KCNH1: variants seen among roughly 807,000 people sequenced by gnomAD.
KCNH1 encodes voltage-gated delayed rectifier potassium channel KCNH1.
Under a neutral mutation model 69.2 loss-of-function variants are expected in KCNH1, and 27 were observed. The observed-to-expected ratio is 0.39, with a 90% CI of 0.29 to 0.54. The LOEUF (loss-of-function observed/expected upper bound fraction) is 0.54, where lower values mean the gene tolerates loss of function less well. KCNH1 is among the 20% of genes least tolerant of loss of function. KCNH1 has a pLI of 0.68. For missense variants in KCNH1, 798 were observed against 1,261.6 expected (o/e 0.63, Z 5.57); for synonymous variants, 456 against 487.7 (o/e 0.93, Z 0.86).
At chr1:210,792,596 GTAGAACCAGGAC>G (rs1387384806) in intron 9 of KCNH1, among the ~76,000 whole-genome samples, 1 of 151,918 alleles carries the variant, frequency 6.6e-6, no homozygotes, top group East Asian at 1.9e-4. Context: ...GGAGTTAAGA[GTAGAACCAGGAC>G]TAGAGTTAAA....
intron 6 of KCNH1, among the ~76,000 whole-genome samples, chr1:211,000,266 A>G (rs1395663535): frequency 1.3e-5 from 2 of 152,122 alleles, no homozygotes; most frequent in Non-Finnish European, 2.9e-5. Context: ...GAAAAACCCC[A>G]TCATCTCAGC....
At chr1:210,780,467 G>A (rs1317374716) in intron 9 of KCNH1, among the ~76,000 whole-genome samples, 1 of 152,088 alleles carries the variant, frequency 6.6e-6, no homozygotes, top group Non-Finnish European at 1.5e-5. Context: ...CTTTTGCCAG[G>A]CACTGTTCTA....
At chr1:210,869,446 T>A (rs2102492561) in intron 7 of KCNH1, among the ~76,000 whole-genome samples, 1 of 152,014 alleles carries the variant, frequency 6.6e-6, no homozygotes, top group East Asian at 1.9e-4. Context: ...TCATTTTAGG[T>A]CTATTTCTGT....
At position 210,919,157 on chromosome 1, in the gene KCNH1, G is replaced by C. The variant is rs1179221364; in HGVS notation, c.1462+483C>G. 1 of 154,234 alleles carries C rather than the reference G, an allele frequency of 6.5e-6. No individual in the cohort carries two copies. The highest frequency in any genetic ancestry group is 1.4e-5 in the Non-Finnish European group (1 of 69,344). The allele number at this position is 154,234 out of a possible 1,614,324, so 9.6% of individuals were successfully genotyped here. The stretch of plus-strand genomic sequence containing the variant: ...TGTAAAGGAATGGATATGTTAATTT[G>C]CTTTGCTGTCATAATCATTTCACTA... On this transcript the variant is annotated intron_variant, in intron 7 of 10. Transcript: ENST00000271751. The surrounding 1 kb of genome is among the most constrained non-coding windows in gnomAD (Gnocchi z 4.2).
At chr1:210,875,907 T>C (rs1686364955) in intron 7 of KCNH1, among the ~76,000 whole-genome samples, 1 of 151,902 alleles carries the variant, frequency 6.6e-6, no homozygotes, top group African/African-American at 2.4e-5. Context: ...ACAAACAATG[T>C]AAAACATCTA....
At chr1:210,905,288 G>C (rs1187782768) in intron 7 of KCNH1, among the ~76,000 whole-genome samples, 3 of 152,168 alleles carry the variant, frequency 2.0e-5, no homozygotes, top group Admixed American at 6.5e-5. Flanking sequence ...AGGGTTATCA[G>C]GATTAAATTA....
At position 211,031,874 on chromosome 1, in the gene KCNH1, C is replaced by T. The variant is rs1036536659; in HGVS notation, c.559-12618G>A. Among the ~76,000 whole-genome samples, 91 of 152,230 alleles carry T rather than the reference C, an allele frequency of 6.0e-4. 1 individual carries two copies. Among genetic ancestry groups the T allele is most frequent in the Non-Finnish European group, 3.5e-4 (24 of 68,008 alleles). ...GCAAGACAGGGATGCCCTCTCTCACCACTCCTATTCAACATAGTGTTGGAA... is the reference window on the plus strand; with the variant it reads ...GCAAGACAGGGATGCCCTCTCTCACTACTCCTATTCAACATAGTGTTGGAA... On this transcript the variant is annotated intron_variant, in intron 5 of 10. Coordinates refer to ENST00000271751, the MANE Select transcript of KCNH1 (RefSeq NM_172362.3).
At chr1:210,833,187 G>A (rs1391556141) in intron 7 of KCNH1, among the ~76,000 whole-genome samples, 6 of 152,006 alleles carry the variant, frequency 3.9e-5, no homozygotes, top group African/African-American at 9.7e-5. Context: ...TACTAAATAT[G>A]ATATATTTAT....
chr1:210,832,722 C>T (rs901335349), intron 7 of KCNH1, among the ~76,000 whole-genome samples: 1 of 151,920 alleles, frequency 6.6e-6, no homozygotes, highest in African/African-American at 2.4e-5. Context: ...ATTCTTTATA[C>T]TTGACAGAGC....
chr1:211,004,457 C>T (rs1379216505), intron 6 of KCNH1, among the ~76,000 whole-genome samples: 6 of 151,938 alleles, frequency 3.9e-5, no homozygotes, highest in Admixed American at 2.6e-4. Context: ...GGAAGGGGTA[C>T]AAGTACTAAT....
intron 10 of KCNH1, among the ~76,000 whole-genome samples, chr1:210,758,665 A>G (rs1209052353): frequency 6.6e-6 from 1 of 152,208 alleles, no homozygotes; most frequent in African/African-American, 2.4e-5. Flanking sequence ...GCACCACCAA[A>G]GCCTGGAAAT....
chr1:210,865,785 C>G (rs145294453), intron 7 of KCNH1, among the ~76,000 whole-genome samples: 5 of 152,108 alleles, frequency 3.3e-5, no homozygotes, highest in African/African-American at 1.2e-4. Context: ...TAAGGCCTCT[C>G]TCTTACTTTT....
intron 3 of KCNH1, among the ~76,000 whole-genome samples, chr1:211,098,876 G>A (rs1241926439): frequency 6.6e-6 from 1 of 152,170 alleles, no homozygotes; most frequent in Non-Finnish European, 1.5e-5. Flanking sequence ...TAATGAGTTA[G>A]ACACTCACAT....
chr1:211,034,436 G>C (rs189709008), intron 5 of KCNH1, among the ~76,000 whole-genome samples: 55 of 149,450 alleles, frequency 3.7e-4, no homozygotes, highest in Middle Eastern at 3.5e-3. Context: ...AGGAAGGAAG[G>C]GGGTGGGGGG....
intron 10 of KCNH1, among the ~76,000 whole-genome samples, chr1:210,759,151 T>C (rs1262070261): frequency 1.8e-5 from 1 of 56,676 alleles, no homozygotes; most frequent in Non-Finnish European, 3.2e-5. Context: ...CCTATCCAAA[T>C]GATAGACACA....
chr1:211,062,878 C>T (rs1690454876), intron 5 of KCNH1, among the ~76,000 whole-genome samples: 1 of 152,168 alleles, frequency 6.6e-6, no homozygotes, highest in African/African-American at 2.4e-5. Context: ...TTAGTACAAC[C>T]TCTGTGGAGA....
chr1:210,880,120 T>C (rs1305066365), intron 7 of KCNH1, among the ~76,000 whole-genome samples: 1 of 152,176 alleles, frequency 6.6e-6, no homozygotes, highest in Non-Finnish European at 1.5e-5. Flanking sequence ...CAGTCCATGT[T>C]CATGGTTAGG....
chr1:211,068,987 T>C lies in KCNH1; in HGVS notation c.558+13793A>G, dbSNP rs565289039. Among the ~76,000 whole-genome samples, 435 of 152,320 alleles carry C rather than the reference T, an allele frequency of 2.9e-3. 4 individuals are homozygous for C. The highest frequency in any genetic ancestry group is 0.01 in the African/African-American group (417 of 41,568). ...CCAGGAACTATCCAGGTTCTCACAG[T>C]GAAGACGGAAGAAAAATCCCCTTGT... On this transcript the variant is annotated intron_variant, in intron 5 of 10. Transcript: ENST00000271751.
At position 211,020,657 on chromosome 1, in the gene KCNH1, C is replaced by A. The variant is rs181231216; in HGVS notation, c.559-1401G>T. ...CTCAATCTATGAGTCCAGCATTACC[C>A]TGATACCAAAACCAGACAAAGGCAA... On this transcript the variant is annotated intron_variant, in intron 5 of 10. Transcript: ENST00000271751. Among the ~76,000 whole-genome samples, 3 of 152,160 alleles carry A rather than the reference C, an allele frequency of 2.0e-5. No homozygotes were observed. The East Asian group carries it at 5.8e-4, about 29-fold the overall frequency.
Sources: allele counts gnomAD v4.1 joint callset (sites outside exome capture counted in the v4.1 genomes callset), GRCh38; gene constraint gnomAD v4.1.1; non-coding constraint Gnocchi (gnomAD v3.1); transcripts MANE v1.5; gene names NCBI Gene and HGNC (gene_info 2026-07-23, HGNC 2026-07-21).